FBLN5: variants seen among roughly 807,000 people sequenced by gnomAD.
FBLN5 encodes the protein fibulin-5.
FBLN5 carries 24 observed loss-of-function variants against 61.6 expected under a neutral mutation model. The observed-to-expected ratio is 0.39, with a 90% CI of 0.28 to 0.55. The LOEUF (loss-of-function observed/expected upper bound fraction) is 0.55. Among genes scored for constraint, FBLN5 ranks in the 20% least tolerant of loss-of-function variants. FBLN5 has a pLI of 0.65. For missense variants in FBLN5, 470 were observed against 594.1 expected, an observed-to-expected ratio of 0.79 and a Z score of 2.17; for synonymous variants, 213 against 219.8, an observed-to-expected ratio of 0.97 and a Z score of 0.27.
In FBLN5 at chr14:91,895,056, T is replaced by G. The variant is rs1441275666; in HGVS notation, c.396A>C (p.Ala132=). Residue 132 remains alanine (A), a synonymous_variant, in exon 5 of 11, where the codon GCA becomes GCC. Transcript: ENST00000342058. ...TGGGGTTGCACTGGTGGGAATCTGT[T>G]GCACACTCGTCCACATCTGTAATAC... is the stretch of plus-strand genomic sequence containing the variant. ...SNQCVDVDEC[A]TDSHQCNPTQ... 3 of 1,614,028 alleles carry G rather than the reference T, an allele frequency of 1.9e-6. No individual in the cohort carries two copies. In the African/African-American group the frequency reaches 4.0e-5, roughly 22 times the overall value.
At chr14:91,940,455 G>A in intron 3 of FBLN5, 110 bp downstream of exon 3, 1 of 919,060 alleles carries the variant, frequency 1.1e-6, no homozygotes, top group Non-Finnish European at 1.8e-6. Context: ...CCATGTCACT[G>A]TATTCTCCCA....
chr14:91,874,166 G>A (rs768072762), intron 10 of FBLN5: 2 of 152,280 alleles, frequency 1.3e-5, no homozygotes, highest in Non-Finnish European at 2.9e-5. Flanking sequence ...CTCCCATGTG[G>A]TTATAATCAA....
rs79312666 is a variant in FBLN5, at chr14:91,908,192, G to T, written c.380-13120C>A. 6.2e-3 allele frequency among the ~76,000 whole-genome samples: 950 copies of T among 152,308 alleles called. 10 individuals carry two copies. The highest frequency in any genetic ancestry group is 0.021 in the African/African-American group (892 of 41,550). On this transcript the variant is annotated intron_variant, in intron 4 of 10. Transcript: ENST00000342058. Reference sequence around the variant, plus strand: ...CTCTGCCACAGACTTCCCAGAAGTTGCTGTCTATTGTCACTGCTCTGCCTG... The same window carrying T: ...CTCTGCCACAGACTTCCCAGAAGTTTCTGTCTATTGTCACTGCTCTGCCTG...
intron 7 of FBLN5, among the ~76,000 whole-genome samples, chr14:91,886,086 T>C (rs1462444524): frequency 6.6e-6 from 1 of 152,240 alleles, no homozygotes; most frequent in Non-Finnish European, 1.5e-5. Context: ...ACAAGTTCCA[T>C]TCATGACCTG....
At chr14:91,921,323 G>T (rs558057259) in intron 4 of FBLN5, among the ~76,000 whole-genome samples, 2 of 152,266 alleles carry the variant, frequency 1.3e-5, no homozygotes, top group East Asian at 1.9e-4. Context: ...GAAGCAAGAG[G>T]TTCCAGCTGA....
At chr14:91,907,483 G>C (rs752632114) in intron 4 of FBLN5, among the ~76,000 whole-genome samples, 7 of 152,116 alleles carry the variant, frequency 4.6e-5, no homozygotes, top group Non-Finnish European at 8.8e-5. Context: ...AAAAGAAGAA[G>C]GTAGGGAACA....
chr14:91,919,986 C>T (rs2055706403), intron 4 of FBLN5, among the ~76,000 whole-genome samples: 1 of 152,216 alleles, frequency 6.6e-6, no homozygotes, highest in Non-Finnish European at 1.5e-5. Context: ...CCTTGTCCTT[C>T]TCCCTCCCCT....
chr14:91,940,665 A>C (rs1481958986), intron 2 of FBLN5, 49 bp from the exon 3 acceptor site: 2 of 1,532,524 alleles, frequency 1.3e-6, no homozygotes, highest in Non-Finnish European at 1.8e-6. Flanking sequence ...TCACACCATA[A>C]AAGTCTTATT....
At chr14:91,890,875 C>T (rs1409823982) in intron 6 of FBLN5, among the ~76,000 whole-genome samples, 1 of 152,192 alleles carries the variant, frequency 6.6e-6, no homozygotes, top group African/African-American at 2.4e-5. Flanking sequence ...AGGAACTGAA[C>T]TTAGGCTACA....
At chr14:91,936,076 A>G (rs1042333319) in intron 4 of FBLN5, among the ~76,000 whole-genome samples, 5 of 152,218 alleles carry the variant, frequency 3.3e-5, no homozygotes, top group African/African-American at 1.2e-4. Context: ...AGCTTCCCTA[A>G]TAGTGGGTTA....
chr14:91,880,702 C>T (rs1366757270), intron 9 of FBLN5, among the ~76,000 whole-genome samples: 1 of 152,084 alleles, frequency 6.6e-6, no homozygotes, highest in East Asian at 1.9e-4. Context: ...CCCGTGCCAC[C>T]AGGCCCAGCT....
chr14:91,929,080 A>AAC (rs113397883), intron 4 of FBLN5, among the ~76,000 whole-genome samples: 9,888 of 143,158 alleles, frequency 0.069, 355 homozygotes, highest in Non-Finnish European at 0.094. Context: ...CCTGTCTCAA[A>AAC]ACACACACAC....
At chr14:91,926,786 G>T (rs897572954) in intron 4 of FBLN5, among the ~76,000 whole-genome samples, 4 of 149,936 alleles carry the variant, frequency 2.7e-5, no homozygotes, top group Non-Finnish European at 5.9e-5. Context: ...GGATCGGGGG[G>T]AGTGGACGGG....
At position 91,870,113 on chromosome 14, in the gene FBLN5, T is replaced by C. The variant is rs1888847988; in HGVS notation, c.*111A>G. On this transcript the variant is annotated 3_prime_UTR_variant, in exon 11 of 11. Transcript: ENST00000342058. ...CGGGGCTGACTCTTCGGGGAAACGT[T>C]CAGCAGGAAATGCCTAACGTCTGTG... 8.6e-7 allele frequency: 1 copy of C among 1,156,712 alleles called. No homozygotes were observed. The highest frequency in any genetic ancestry group is 1.8e-5 in the Admixed American group (1 of 54,826). 71.7% of individuals were successfully genotyped at this position (1,156,712 alleles called of 1,614,324 possible).
intron 4 of FBLN5, among the ~76,000 whole-genome samples, chr14:91,920,690 T>A (rs528658528): frequency 6.6e-6 from 1 of 152,128 alleles, no homozygotes; most frequent in African/African-American, 2.4e-5. Context: ...TCTCAGTCCA[T>A]AGCAGCCTTG....
chr14:91,886,101 A>G (rs1477540416), intron 7 of FBLN5, among the ~76,000 whole-genome samples: 2 of 152,248 alleles, frequency 1.3e-5, no homozygotes, highest in East Asian at 3.8e-4. Flanking sequence ...GACCTGGGTC[A>G]GTTCCTGTTA....
At chr14:91,908,348 T>C (rs1330519821) in intron 4 of FBLN5, among the ~76,000 whole-genome samples, 1 of 152,192 alleles carries the variant, frequency 6.6e-6, no homozygotes, top group Non-Finnish European at 1.5e-5. Context: ...GTCTTCATCC[T>C]TCACCCCTTC....
intron 5 of FBLN5, among the ~76,000 whole-genome samples, chr14:91,893,091 C>A (rs995959663): frequency 6.6e-6 from 1 of 152,102 alleles, no homozygotes; most frequent in Non-Finnish European, 1.5e-5. Flanking sequence ...ACCACTCCAG[C>A]GCCCCTTGTG....
At chr14:91,875,461 G>A (rs1889122588) in intron 10 of FBLN5, among the ~76,000 whole-genome samples, 1 of 152,212 alleles carries the variant, frequency 6.6e-6, no homozygotes, top group African/African-American at 2.4e-5. Context: ...GAGGTTTGGA[G>A]TAGCAGGTGA....
Sources: allele counts gnomAD v4.1 joint callset (sites outside exome capture counted in the v4.1 genomes callset), GRCh38; gene constraint gnomAD v4.1.1; transcripts MANE v1.5; gene names NCBI Gene and HGNC (gene_info 2026-07-23, HGNC 2026-07-21).